RASSF3: variants seen among roughly 807,000 people sequenced by gnomAD.
RASSF3 encodes Ras association domain family member 3.
In RASSF3, 19 loss-of-function variants were observed where a neutral mutation model predicts 19.9. The observed-to-expected ratio is 0.96, with a 90% CI of 0.67 to 1.40. The LOEUF (loss-of-function observed/expected upper bound fraction) is 1.40, where lower values mean the gene tolerates loss of function less well. Ranked by LOEUF, RASSF3 falls within the 40% of genes most tolerant of loss-of-function variation. The pLI is 0.00. For missense variants in RASSF3, 306 were observed against 289.8 expected (o/e 1.06, Z -0.41); for synonymous variants, 110 against 104.2 (o/e 1.06, Z -0.34).
intron 1 of RASSF3, among the ~76,000 whole-genome samples, chr12:64,632,092 A>G (rs1005824000): frequency 6.6e-6 from 1 of 152,108 alleles, no homozygotes; most frequent in African/African-American, 2.4e-5. Flanking sequence ...GGGGGTGACT[A>G]GGCCTTTCAG....
chr12:64,641,016 T>G (rs12816847), intron 1 of RASSF3, among the ~76,000 whole-genome samples: 16,809 of 152,090 alleles, frequency 0.11, 1,103 homozygotes, highest in East Asian at 0.3. Context: ...ATTGCATTTT[T>G]AATAGTCTTA....
intron 2 of RASSF3, among the ~76,000 whole-genome samples, chr12:64,554,946 GA>G (rs1488080620): frequency 2.0e-5 from 3 of 151,790 alleles, no homozygotes; most frequent in African/African-American, 4.8e-5. Flanking sequence ...TTTATTGTTT[GA>G]AAAAAAATTT....
chr12:64,561,780 C>T (rs1869351146), intron 2 of RASSF3, among the ~76,000 whole-genome samples: 2 of 145,048 alleles, frequency 1.4e-5, no homozygotes, highest in Non-Finnish European at 3.0e-5. Flanking sequence ...GCAACCTCCA[C>T]CTCCTGGGTT....
At chr12:64,610,196 A>T (rs1870285750), upstream of RASSF3, among the ~76,000 whole-genome samples, 1 of 152,112 alleles carries the variant, frequency 6.6e-6, no homozygotes, top group Admixed American at 6.5e-5. Flanking sequence ...CGGCTCGCAG[A>T]GGAATTTGCA....
At chr12:64,516,610 C>A (rs1315036195) in intron 1 of RASSF3, among the ~76,000 whole-genome samples, 3 of 127,422 alleles carry the variant, frequency 2.4e-5, no homozygotes, top group African/African-American at 9.8e-5. Flanking sequence ...CAGAGCGAGA[C>A]TCCGTCTCAA....
chr12:64,583,289 G>C (rs1231602837), intron 2 of RASSF3, among the ~76,000 whole-genome samples: 9 of 152,144 alleles, frequency 5.9e-5, no homozygotes, highest in Non-Finnish European at 1.5e-5. Context: ...GGGGTGAAAA[G>C]CTCAAGTGTT....
chr12:64,592,845 C>A (rs1869945924), intron 2 of RASSF3, among the ~76,000 whole-genome samples: 1 of 151,630 alleles, frequency 6.6e-6, no homozygotes, highest in Non-Finnish European at 1.5e-5. Flanking sequence ...TTTGTAGAGA[C>A]AAGGTCTTGC....
chr12:64,567,686 C>T (rs1439825674), intron 2 of RASSF3, among the ~76,000 whole-genome samples: 1 of 152,214 alleles, frequency 6.6e-6, no homozygotes, highest in African/African-American at 2.4e-5. Flanking sequence ...CTGAATAATA[C>T]ACTTTGGAAC....
chr12:64,577,954 C>T (rs1414160461), intron 2 of RASSF3, among the ~76,000 whole-genome samples: 3 of 152,110 alleles, frequency 2.0e-5, no homozygotes, highest in African/African-American at 7.2e-5. Context: ...TGTGATGGCT[C>T]ATGCCTGTAA....
chr12:64,507,245 A>G (rs1378280962), exon 1 of RASSF3: 1 of 398,562 alleles, frequency 2.5e-6, no homozygotes, highest in African/African-American at 2.1e-5. Flanking sequence ...CTTCAGAAGA[A>G]TAGCCCGGCT....
At chr12:64,652,865 C>T (rs1318048404) in intron 1 of RASSF3, among the ~76,000 whole-genome samples, 2 of 152,062 alleles carry the variant, frequency 1.3e-5, no homozygotes, top group African/African-American at 4.8e-5. Context: ...GACAAAGCAC[C>T]ACAAACAAGG....
chr12:64,534,200 G>A (rs866065376), intron 1 of RASSF3, among the ~76,000 whole-genome samples: 3 of 152,324 alleles, frequency 2.0e-5, no homozygotes, highest in Middle Eastern at 3.4e-3. Flanking sequence ...GTTCAAGACT[G>A]TGGTGAGCTA....
At chr12:64,652,672 T>G (rs1188279292) in intron 1 of RASSF3, among the ~76,000 whole-genome samples, 1 of 152,196 alleles carries the variant, frequency 6.6e-6, no homozygotes, top group Non-Finnish European at 1.5e-5. Flanking sequence ...TGTTTTTTGC[T>G]TCATCTTGCT....
intron 1 of RASSF3, among the ~76,000 whole-genome samples, chr12:64,643,836 A>G (rs140734338): frequency 1.3e-5 from 2 of 152,274 alleles, no homozygotes; most frequent in South Asian, 2.1e-4. Flanking sequence ...TTTTCACTTT[A>G]TCTCAGAGTT....
chr12:64,571,077 G>T (rs987063336), intron 2 of RASSF3, among the ~76,000 whole-genome samples: 1 of 152,078 alleles, frequency 6.6e-6, no homozygotes, highest in African/African-American at 2.4e-5. Context: ...AATCAGCCGG[G>T]TGTGGTCGCG....
chr12:64,688,298 A>C lies in RASSF3; in HGVS notation c.302A>C (p.Lys101Thr). Residue 101 changes from lysine (K) to threonine (T), a missense_variant, in exon 3 of 5, where the codon AAA becomes ACA. Lys to Thr is a moderately conservative substitution (Grantham distance 78). Transcript: ENST00000542104. ...KPPQTSPNSGKLSPSSNGCMN... is the reference protein window; with the variant it reads ...KPPQTSPNSGTLSPSSNGCMN... ...CCACAGACTTCTCCAAATTCTGGAAAACTCTCTCCCAGTAGCAATGGCTGT... is the reference window on the plus strand; with the variant it reads ...CCACAGACTTCTCCAAATTCTGGAACACTCTCTCCCAGTAGCAATGGCTGT... The C allele has an allele frequency of 6.2e-7, 1 of 1,614,134 alleles. No individual in the cohort carries two copies. Among genetic ancestry groups the C allele is most frequent in the Non-Finnish European group, 8.5e-7 (1 of 1,179,994 alleles).
At chr12:64,531,670 G>A (rs1234201362), upstream of RASSF3, among the ~76,000 whole-genome samples, 1 of 152,166 alleles carries the variant, frequency 6.6e-6, no homozygotes, top group Non-Finnish European at 1.5e-5. Flanking sequence ...GATGAGCTAT[G>A]TTTAGCCTGT....
intron 2 of RASSF3, among the ~76,000 whole-genome samples, chr12:64,548,637 C>G (rs1330035792): frequency 1.3e-5 from 2 of 152,132 alleles, no homozygotes; most frequent in African/African-American, 2.4e-5. Flanking sequence ...TTTAATAGCC[C>G]TTAATACATA....
intron 1 of RASSF3, among the ~76,000 whole-genome samples, chr12:64,660,714 T>G (rs1358649784): frequency 6.6e-6 from 1 of 152,114 alleles, no homozygotes; most frequent in East Asian, 1.9e-4. Flanking sequence ...ACTTGGAAAT[T>G]GGAAAAAATG....
Sources: gnomAD v4.1 joint callset for allele counts (sites outside exome capture counted in the v4.1 genomes callset) on GRCh38, gnomAD v4.1.1 for gene constraint, MANE v1.5 for transcripts, NCBI Gene and HGNC (gene_info 2026-07-23, HGNC 2026-07-21) for gene names.